SDK1: variants seen among roughly 807,000 people sequenced by gnomAD.
SDK1 encodes the protein sidekick cell adhesion molecule 1.
In SDK1, 157 loss-of-function variants were observed where a neutral mutation model predicts 245.5. The ratio of observed to expected loss-of-function variants is 0.64; its 90% CI spans 0.56 to 0.73. SDK1 has a LOEUF of 0.73. Among genes scored for constraint, SDK1 ranks in the 30% least tolerant of loss-of-function variants. The pLI, the probability that SDK1 is intolerant of heterozygous loss-of-function variation, is 0.00. For missense variants in SDK1, 3,583 were observed against 3,002.3 expected, an observed-to-expected ratio of 1.19 and a Z score of -4.52; for synonymous variants, 1,647 against 1,278.5, an observed-to-expected ratio of 1.29 and a Z score of -6.15.
At chr7:3,613,597 C>T (rs1781672530) in intron 1 of SDK1, among the ~76,000 whole-genome samples, 1 of 152,064 alleles carries the variant, frequency 6.6e-6, no homozygotes, top group Admixed American at 6.6e-5. Flanking sequence ...CCTCAAAGAC[C>T]TAAAGACAGA....
intron 4 of SDK1, among the ~76,000 whole-genome samples, chr7:3,766,414 C>G (rs1035742579): frequency 3.9e-5 from 6 of 152,124 alleles, no homozygotes; most frequent in Non-Finnish European, 7.4e-5. Flanking sequence ...TGAAGTTAGA[C>G]TACCTTGATT....
At chr7:3,409,148 C>G (rs1779130529) in intron 1 of SDK1, among the ~76,000 whole-genome samples, 1 of 152,200 alleles carries the variant, frequency 6.6e-6, no homozygotes, top group Non-Finnish European at 1.5e-5. Context: ...TATGAACTGA[C>G]ACTTCTGCTT....
At chr7:3,739,901 C>T (rs2115050875) in intron 4 of SDK1, among the ~76,000 whole-genome samples, 1 of 152,120 alleles carries the variant, frequency 6.6e-6, no homozygotes, top group South Asian at 2.1e-4. Flanking sequence ...GATTTCCTAC[C>T]CTATGCAGAA....
rs192728204 is a variant in SDK1 at position 3,528,222 on chromosome 7, G to T, written c.299-90858G>T. Among the ~76,000 whole-genome samples, 110 of 141,118 alleles carry T rather than the reference G, an allele frequency of 7.8e-4. No homozygotes were observed. The East Asian group carries it at 0.013, about 16-fold the overall frequency. 92.6% of individuals were successfully genotyped at this position (141,118 alleles called of 152,430 possible). A position where few individuals can be genotyped will look rare whatever the true frequency, so the allele number is the denominator to read the frequency against. ...GGTGTCAGTTAGCTAGGGGGTGGGT[G>T]GTGGGAGGTAATGTTGGATGATATT... On this transcript the variant is annotated intron_variant, in intron 1 of 44. Transcript: ENST00000404826.
At chr7:4,139,579 G>GTATA (rs1461827707) in intron 28 of SDK1, among the ~76,000 whole-genome samples, 1,097 of 43,764 alleles carry the variant, frequency 0.025, 158 homozygotes, top group African/African-American at 0.07. Flanking sequence ...ATATGTGTGT[G>GTATA]TGTATGTGTG....
At chr7:3,664,978 G>A (rs1050703436) in intron 4 of SDK1, among the ~76,000 whole-genome samples, 11 of 152,210 alleles carry the variant, frequency 7.2e-5, no homozygotes, top group African/African-American at 2.4e-4. Context: ...ACAGCAGGAT[G>A]ATTCAGACCA....
At chr7:4,031,394 G>A (rs555942162) in intron 17 of SDK1, among the ~76,000 whole-genome samples, 1 of 152,264 alleles carries the variant, frequency 6.6e-6, no homozygotes, top group East Asian at 1.9e-4. Context: ...AAGTTTACTA[G>A]CCAATGGTAA....
At chr7:3,952,233 A>G (rs1780892206) in intron 7 of SDK1, 1 of 352,828 alleles carries the variant, frequency 2.8e-6, no homozygotes, top group Non-Finnish European at 5.2e-6. Context: ...TTAGGCTGCT[A>G]AGCTTTTCTG....
rs191216494 is a variant in SDK1 at position 3,365,965 on chromosome 7, C to T, written c.298+64081C>T. ...GAGGCAGGAGAATTGCTTGAACCTG[C>T]GAGGCAGAGGTTGCAATGAGCCGAG... On this transcript the variant is annotated intron_variant, in intron 1 of 44. Coordinates refer to ENST00000404826, the MANE Select transcript of SDK1 (RefSeq NM_152744.4). 1.4e-4 allele frequency among the ~76,000 whole-genome samples: 21 copies of T among 150,862 alleles called. No individual in the cohort carries two copies. In the East Asian group the frequency reaches 3.7e-3, roughly 27 times the overall value.
rs112452358 is a variant in SDK1, at chr7:3,868,463, G to A, written c.847+46880G>A. ...TTATCAAAGTCAGCTTTACAGACTA[G>A]GTGACAACTGGTTAATGAATTTGCT... is the stretch of plus-strand genomic sequence containing the variant. On this transcript the variant is annotated intron_variant, in intron 5 of 44. Coordinates refer to ENST00000404826, the MANE Select transcript of SDK1 (RefSeq NM_152744.4). Among the ~76,000 whole-genome samples, 1,219 of 152,240 alleles carry A rather than the reference G, an allele frequency of 8.0e-3. 16 individuals carry two copies. The highest frequency in any genetic ancestry group is 0.028 in the African/African-American group (1,170 of 41,528).
At chr7:4,047,034 G>A (rs1789064991) in intron 17 of SDK1, among the ~76,000 whole-genome samples, 2 of 151,974 alleles carry the variant, frequency 1.3e-5, no homozygotes, top group African/African-American at 4.8e-5. Flanking sequence ...GTAGTTTTCC[G>A]TGCACAGCTA....
At chr7:4,048,701 G>A (rs996632281) in intron 17 of SDK1, among the ~76,000 whole-genome samples, 1 of 152,212 alleles carries the variant, frequency 6.6e-6, no homozygotes, top group Non-Finnish European at 1.5e-5. Context: ...GCTCTGCAGA[G>A]CATCTGCCTC....
At chr7:4,059,550 CAAAG>C (rs1419771877) in intron 19 of SDK1, among the ~76,000 whole-genome samples, 1 of 152,138 alleles carries the variant, frequency 6.6e-6, no homozygotes, top group Non-Finnish European at 1.5e-5. Context: ...AGAAAAATAA[CAAAG>C]AAACATTGGA....
chr7:3,357,713 C>G (rs1028518030), intron 1 of SDK1, among the ~76,000 whole-genome samples: 1 of 152,058 alleles, frequency 6.6e-6, no homozygotes, highest in Admixed American at 6.6e-5. Flanking sequence ...CCCTCACATC[C>G]CTCCACTTTT....
chr7:3,638,326 C>T (rs538169960), intron 2 of SDK1, among the ~76,000 whole-genome samples: 2 of 152,246 alleles, frequency 1.3e-5, no homozygotes, highest in East Asian at 1.9e-4. Context: ...TATAAAGACA[C>T]GTGCACACGT....
At chr7:3,754,760 T>G (rs1001773077) in intron 4 of SDK1, among the ~76,000 whole-genome samples, 1 of 152,142 alleles carries the variant, frequency 6.6e-6, no homozygotes, top group Non-Finnish European at 1.5e-5. Context: ...AAAGAAAGTC[T>G]CATTTGACAA....
chr7:3,763,116 G>A (rs1444953255), intron 4 of SDK1, among the ~76,000 whole-genome samples: 4 of 152,098 alleles, frequency 2.6e-5, no homozygotes, highest in Non-Finnish European at 5.9e-5. Flanking sequence ...TTATTCCTGA[G>A]AAAGCCATAA....
chr7:3,815,039 T>C (rs1320498336), intron 4 of SDK1, among the ~76,000 whole-genome samples: 3 of 139,422 alleles, frequency 2.2e-5, no homozygotes, highest in Non-Finnish European at 3.1e-5. Context: ...TTTCTAGATA[T>C]ACAATCATGT....
intron 5 of SDK1, among the ~76,000 whole-genome samples, chr7:3,834,246 A>G (rs776705087): frequency 6.6e-6 from 1 of 152,220 alleles, no homozygotes; most frequent in African/African-American, 2.4e-5. Flanking sequence ...TCCGCTCAGA[A>G]AACGCTGAGC....
Sources: allele counts gnomAD v4.1 joint callset (sites outside exome capture counted in the v4.1 genomes callset), GRCh38; gene constraint gnomAD v4.1.1; transcripts MANE v1.5; gene names NCBI Gene and HGNC (gene_info 2026-07-23, HGNC 2026-07-21).